Variants in CALN1 observed in about 807,000 individuals in gnomAD.
CALN1 encodes calcium-binding protein 8.
In CALN1, 17 loss-of-function variants were observed where a neutral mutation model predicts 30.6. The ratio of observed to expected loss-of-function variants is 0.56; its 90% CI spans 0.38 to 0.83. The LOEUF is 0.83. CALN1 is among the 40% of genes least tolerant of loss of function. The pLI, the probability that CALN1 is intolerant of heterozygous loss-of-function variation, is 0.00. For missense variants in CALN1, 291 were observed against 354.9 expected (o/e 0.82, Z 1.45); for synonymous variants, 156 against 131.4 (o/e 1.19, Z -1.28).
At chr7:72,077,824 C>T (rs1804853359) in intron 4 of CALN1, among the ~76,000 whole-genome samples, 1 of 152,176 alleles carries the variant, frequency 6.6e-6, no homozygotes, top group Admixed American at 6.5e-5. Flanking sequence ...CATCACTTTG[C>T]AGACTATTTT....
chr7:72,182,223 C>T lies in CALN1; in HGVS notation c.245-75929G>A, dbSNP rs139351095. ...AGCTGGATCGCTCAGCCTTGCACAA[C>T]GCAGTGTGTCCTGTATCTGTGCATC... is the stretch of plus-strand genomic sequence containing the variant. On this transcript the variant is annotated intron_variant, in intron 3 of 6. Coordinates refer to ENST00000395275, the MANE Select transcript of CALN1 (RefSeq NM_031468.4). 5.8e-3 allele frequency among the ~76,000 whole-genome samples: 877 copies of T among 152,180 alleles called. 6 individuals carry two copies. The highest frequency in any genetic ancestry group is 0.019 in the African/African-American group (795 of 41,510).
chr7:72,205,555 T>TATACATATATATAC (rs1489760031), intron 3 of CALN1, among the ~76,000 whole-genome samples: 1 of 107,940 alleles, frequency 9.3e-6, no homozygotes, highest in Admixed American at 9.6e-5. Flanking sequence ...AAAAAAAATA[T>TATACATATATATAC]ATATATATAT....
chr7:72,476,356 G>C, the CALN1 span, among the ~76,000 whole-genome samples: 2 of 152,086 alleles, frequency 1.3e-5, no homozygotes, highest in African/African-American at 2.4e-5. Flanking sequence ...TAAACTGTGA[G>C]TCCATTAAAC....
At chr7:72,156,541 G>A (rs1207117122) in intron 3 of CALN1, among the ~76,000 whole-genome samples, 1 of 152,270 alleles carries the variant, frequency 6.6e-6, no homozygotes, top group South Asian at 2.1e-4. Flanking sequence ...CACTGCCTCT[G>A]TGCCTGGAAG....
At chr7:71,955,848 T>C (rs1420630900) in intron 5 of CALN1, among the ~76,000 whole-genome samples, 1 of 152,000 alleles carries the variant, frequency 6.6e-6, no homozygotes, top group Admixed American at 6.6e-5. Flanking sequence ...AAGTAGAATG[T>C]ACTCTAAGAG....
At chr7:72,267,927 A>AGCC (rs1487056275) in intron 3 of CALN1, among the ~76,000 whole-genome samples, 1 of 152,196 alleles carries the variant, frequency 6.6e-6, no homozygotes, top group Non-Finnish European at 1.5e-5. Flanking sequence ...GGATTGCTTG[A>AGCC]GCCCAGAAGT....
At chr7:71,816,837 G>T (rs1384319548) in intron 5 of CALN1, among the ~76,000 whole-genome samples, 3 of 152,078 alleles carry the variant, frequency 2.0e-5, no homozygotes, top group African/African-American at 7.2e-5. Flanking sequence ...GCGTGGTGAC[G>T]CATTCCTGTA....
intron 2 of CALN1, among the ~76,000 whole-genome samples, chr7:72,315,633 A>G (rs898237585): frequency 4.6e-5 from 7 of 151,562 alleles, no homozygotes. Flanking sequence ...TCAGCCCAGG[A>G]GTTCGAGGCT....
intron 3 of CALN1, among the ~76,000 whole-genome samples, chr7:72,175,511 C>G (rs1789285310): frequency 6.6e-6 from 1 of 152,166 alleles, no homozygotes; most frequent in Admixed American, 6.5e-5. Context: ...AGCTTCTGGA[C>G]AACCTCACTG....
chr7:72,457,316 C>T, the CALN1 span, among the ~76,000 whole-genome samples: 6 of 152,176 alleles, frequency 3.9e-5, no homozygotes, highest in African/African-American at 1.4e-4. Flanking sequence ...AAAAATCAAA[C>T]TCCACAATCT....
chr7:72,463,840 C>T, the CALN1 span, among the ~76,000 whole-genome samples: 24 of 152,102 alleles, frequency 1.6e-4, no homozygotes, highest in Admixed American at 1.3e-3. Flanking sequence ...AGATTACAGG[C>T]GTGAGCCACT....
intron 2 of CALN1, among the ~76,000 whole-genome samples, chr7:72,394,872 G>A (rs1805812840): frequency 1.3e-5 from 2 of 151,882 alleles, no homozygotes; most frequent in Non-Finnish European, 2.9e-5. Flanking sequence ...TGCCCGGGCT[G>A]GTCTCAAACT....
intron 5 of CALN1, among the ~76,000 whole-genome samples, chr7:71,890,746 C>CTTTTTTTTTTT: frequency 8.1e-6 from 1 of 123,226 alleles, no homozygotes; most frequent in Non-Finnish European, 1.6e-5. Context: ...TGTTTTCTAG[C>CTTTTTTTTTTT]TTTTTTTTTT....
At chr7:72,160,679 G>A (rs893262765) in intron 3 of CALN1, among the ~76,000 whole-genome samples, 1 of 152,168 alleles carries the variant, frequency 6.6e-6, no homozygotes, top group Non-Finnish European at 1.5e-5. Context: ...ATAAATAACA[G>A]TGGGTTCATG....
At position 71,916,837 on chromosome 7, in the gene CALN1, G is replaced by A. The variant is rs537890687; in HGVS notation, c.502-106345C>T. ...GAAGCAAGAAAAAAAAAATTCTTGC[G>A]ATGTAAGTAGCATAGGTTCTGAACA... On this transcript the variant is annotated intron_variant, in intron 5 of 6. Coordinates refer to ENST00000395275, the MANE Select transcript of CALN1 (RefSeq NM_031468.4). Among the ~76,000 whole-genome samples, 25 of 152,182 alleles carry A rather than the reference G, an allele frequency of 1.6e-4. No homozygotes were observed. The East Asian group carries it at 3.9e-3, about 24-fold the overall frequency.
At chr7:71,801,933 A>T (rs537741417) in intron 6 of CALN1, among the ~76,000 whole-genome samples, 1 of 151,898 alleles carries the variant, frequency 6.6e-6, no homozygotes, top group African/African-American at 2.4e-5. Context: ...AGTTGAGATC[A>T]TATCACTTCA....
chr7:72,131,710 A>AC (rs1221026873), intron 3 of CALN1, among the ~76,000 whole-genome samples: 1 of 151,962 alleles, frequency 6.6e-6, no homozygotes, highest in Non-Finnish European at 1.5e-5. Context: ...TGCCACTCCC[A>AC]CCATCTGCTC....
At chr7:71,930,588 G>T (rs1357549047) in intron 5 of CALN1, among the ~76,000 whole-genome samples, 2 of 152,050 alleles carry the variant, frequency 1.3e-5, no homozygotes, top group African/African-American at 4.8e-5. Context: ...AGTCCAATTT[G>T]CCTATTTTAT....
chr7:72,376,849 G>A (rs535253246), intron 2 of CALN1, among the ~76,000 whole-genome samples: 38 of 152,286 alleles, frequency 2.5e-4, no homozygotes, highest in Non-Finnish European at 5.1e-4. Flanking sequence ...GGCATTTGAA[G>A]TTAATTTTTG....
Sources: gnomAD v4.1 joint callset for allele counts (sites outside exome capture counted in the v4.1 genomes callset) on GRCh38, gnomAD v4.1.1 for gene constraint, MANE v1.5 for transcripts, NCBI Gene and HGNC (gene_info 2026-07-23, HGNC 2026-07-21) for gene names.